The following CES5A variants were observed in gnomAD, a reference collection of about 807,000 sequenced individuals.
The protein encoded by CES5A is carboxylesterase 5.
In CES5A, 67 loss-of-function variants were observed where a neutral mutation model predicts 62.9. The ratio of observed to expected loss-of-function variants is 1.07; its 90% CI spans 0.88 to 1.31. The LOEUF (loss-of-function observed/expected upper bound fraction) is 1.31. Ranked by LOEUF, CES5A falls within the 50% of genes most tolerant of loss-of-function variation. The pLI, the probability that CES5A is intolerant of heterozygous loss-of-function variation, is 0.00. For synonymous variants in CES5A, 296 were observed against 280.8 expected (o/e 1.05, Z -0.54); for missense variants, 748 against 708.5 (o/e 1.06, Z -0.63).
At position 55,944,114 on chromosome 16, in the gene CES5A, T is replaced by G. The variant is rs758795395; in HGVS notation, c.160+5671A>C. 47 of 701,976 alleles carry G rather than the reference T, an allele frequency of 6.7e-5. No homozygotes were observed. The African/African-American group carries it at 7.0e-4, about 10-fold the overall frequency. 43.5% of individuals were successfully genotyped at this position (701,976 alleles called of 1,614,324 possible). A position where few individuals can be genotyped will look rare whatever the true frequency, so the allele number is the denominator to read the frequency against. On this transcript the variant is annotated intron_variant, in intron 2 of 13. Coordinates refer to the CES5A transcript ENST00000521992. ...CTTCCATTTCCTGTCCAAGGAGACT[T>G]CAAGGGATCTGACAACCTCTCTGTA...
At chr16:55,852,842 C>A in intron 10 of CES5A, 39 bp downstream of exon 10, 1 of 1,586,648 alleles carries the variant, frequency 6.3e-7, no homozygotes, top group Non-Finnish European at 8.6e-7. Flanking sequence ...ACCAGCCTCA[C>A]TGGGCTATGG....
intron 9 of CES5A, 75 bp downstream of exon 9, chr16:55,856,299 TCTC>T: frequency 7.5e-7 from 1 of 1,334,096 alleles, no homozygotes; most frequent in Non-Finnish European, 1.1e-6. Flanking sequence ...GCCCTTGGCT[TCTC>T]CTGCTGAGTG....
intron 1 of CES5A, chr16:55,955,768 T>C: frequency 6.7e-7 from 1 of 1,485,978 alleles, no homozygotes; most frequent in South Asian, 1.2e-5. Flanking sequence ...TTGCATCTAA[T>C]CTAAGGCTCA....
chr16:55,866,681 C>CAAAAAAAAAAAAAAAAAAAAAAAAA (rs1287845742), intron 4 of CES5A, among the ~76,000 whole-genome samples: 1 of 98,376 alleles, frequency 1.0e-5, no homozygotes, highest in Non-Finnish European at 2.1e-5. Flanking sequence ...AAAAAAAATA[C>CAAAAAAAAAAAAAAAAAAAAAAAAA]AAAAAAATTA....
chr16:55,953,015 T>G (rs1239759259), intron 1 of CES5A, among the ~76,000 whole-genome samples: 1 of 152,140 alleles, frequency 6.6e-6, no homozygotes, highest in Non-Finnish European at 1.5e-5. Context: ...CTATCTAAAG[T>G]ATTAGAAAGT....
chr16:55,871,580 A>G, intron 3 of CES5A, 45 bp downstream of exon 3: 1 of 1,607,872 alleles, frequency 6.2e-7, no homozygotes, highest in South Asian at 1.1e-5. Context: ...TCCCAGGCCA[A>G]GGTCCTGCTA....
chr16:55,856,070 T>C (rs2033236993), intron 9 of CES5A, among the ~76,000 whole-genome samples: 1 of 152,156 alleles, frequency 6.6e-6, no homozygotes, highest in Admixed American at 6.6e-5. Flanking sequence ...CCCCTGCACC[T>C]TCCACCATGA....
chr16:55,940,968 C>A (rs1279491250), intron 2 of CES5A, among the ~76,000 whole-genome samples: 1 of 151,528 alleles, frequency 6.6e-6, no homozygotes, highest in African/African-American at 2.4e-5. Context: ...AAAAAAAAAC[C>A]TCTCCATAAA....
intron 2 of CES5A, among the ~76,000 whole-genome samples, chr16:55,872,695 T>C (rs1257278421): frequency 6.6e-6 from 1 of 152,194 alleles, no homozygotes; most frequent in East Asian, 1.9e-4. Flanking sequence ...CTTTGTATGT[T>C]GTTGATCAGG....
intron 4 of CES5A, among the ~76,000 whole-genome samples, chr16:55,866,336 C>T (rs1597121291): frequency 1.3e-5 from 2 of 152,150 alleles, no homozygotes; most frequent in East Asian, 3.9e-4. Context: ...GAAAAATGCA[C>T]ATTCAATATT....
intron 1 of CES5A, among the ~76,000 whole-genome samples, chr16:55,880,488 G>A (rs956202113): frequency 6.6e-6 from 1 of 152,208 alleles, no homozygotes; most frequent in South Asian, 2.1e-4. Context: ...CCTTGCTCCT[G>A]AGTAATCTAC....
At chr16:55,897,829 G>C (rs528173707) in intron 1 of CES5A, among the ~76,000 whole-genome samples, 51 of 152,278 alleles carry the variant, frequency 3.3e-4, no homozygotes, top group African/African-American at 1.2e-3. Flanking sequence ...GTAGAATAAA[G>C]AAATGTAGTA....
chr16:55,920,615 T>G (rs140783977), intron 1 of CES5A, among the ~76,000 whole-genome samples: 120 of 152,246 alleles, frequency 7.9e-4, no homozygotes, highest in Middle Eastern at 6.8e-3. Context: ...AATTACCTAG[T>G]GGTGAAGAAT....
At chr16:55,942,393 T>C (rs1387430321) in intron 2 of CES5A, among the ~76,000 whole-genome samples, 1 of 152,200 alleles carries the variant, frequency 6.6e-6, no homozygotes, top group Non-Finnish European at 1.5e-5. Context: ...GCTACCTTTT[T>C]TAAACTGGGC....
At chr16:55,869,509 T>TC in intron 4 of CES5A, 102 bp downstream of exon 4, 1 of 1,448,380 alleles carries the variant, frequency 6.9e-7, no homozygotes, top group Non-Finnish European at 9.1e-7. Flanking sequence ...TTGTTCATTG[T>TC]CCCGGAAGGC....
chr16:55,921,665 C>CA lies in CES5A; in HGVS notation c.-256+3657dup, dbSNP rs534436343. ...AAAAAAAAAAAAAACCATTGAAGTG[C>CA]AAAAAAAAAAAATTGAAGGCATAAA... On this transcript the variant is annotated intron_variant, in intron 1 of 12. Transcript: ENST00000518005. 2.8e-3 allele frequency among the ~76,000 whole-genome samples: 347 copies of CA among 124,362 alleles called. 1 individual carries two copies. The highest frequency in any genetic ancestry group is 3.2e-3 in the Non-Finnish European group (184 of 57,138). The allele number at this position is 124,362 out of a possible 152,430, so 81.6% of individuals were successfully genotyped here.
At chr16:55,860,909 G>A (rs1291933418) in intron 7 of CES5A, among the ~76,000 whole-genome samples, 2 of 152,132 alleles carry the variant, frequency 1.3e-5, no homozygotes, top group African/African-American at 2.4e-5. Flanking sequence ...AAGATCACCC[G>A]GTCCAATTAA....
chr16:55,922,125 G>C (rs1292726078), intron 1 of CES5A, among the ~76,000 whole-genome samples: 2 of 151,846 alleles, frequency 1.3e-5, no homozygotes, highest in African/African-American at 4.8e-5. Context: ...AAGAAAGGAA[G>C]AGAAGAGTTA....
intron 10 of CES5A, among the ~76,000 whole-genome samples, chr16:55,851,199 G>GGA (rs2033125290): frequency 6.6e-6 from 1 of 152,022 alleles, no homozygotes; most frequent in East Asian, 1.9e-4. Context: ...GAGTAAGAAG[G>GGA]CAACCCGGCA....
Sources: allele counts gnomAD v4.1 joint callset (sites outside exome capture counted in the v4.1 genomes callset), GRCh38; gene constraint gnomAD v4.1.1; transcripts MANE v1.5; gene names NCBI Gene and HGNC (gene_info 2026-07-23, HGNC 2026-07-21).